The following MAPK10 variants were observed in gnomAD, a reference collection of about 807,000 sequenced individuals.
The protein encoded by MAPK10 is JNK3 alpha protein kinase.
MAPK10 carries 25 observed loss-of-function variants against 59.3 expected under a neutral mutation model. That is an observed-to-expected ratio of 0.42 (90% CI 0.31 to 0.59). The LOEUF is 0.59. MAPK10 is among the 20% of genes least tolerant of loss of function. The probability of loss-of-function intolerance (pLI) is 0.15; values close to 1 mark genes in which losing one functional copy is unlikely to be tolerated. For missense variants in MAPK10, 351 were observed against 568.9 expected (o/e 0.62, Z 3.90); for synonymous variants, 190 against 200.5 (o/e 0.95, Z 0.44).
At chr4:86,325,609 CTG>C (rs1415783767) in intron 2 of MAPK10, among the ~76,000 whole-genome samples, 2 of 152,176 alleles carry the variant, frequency 1.3e-5, no homozygotes, top group Non-Finnish European at 2.9e-5. Flanking sequence ...AAAGATATGA[CTG>C]TATCTGAATT....
intron 1 of MAPK10, among the ~76,000 whole-genome samples, chr4:86,493,616 C>G (rs1321813548): frequency 2.0e-5 from 3 of 152,102 alleles, no homozygotes; most frequent in Non-Finnish European, 4.4e-5. Context: ...ACATTTAGCT[C>G]ACCCTCCCCC....
chr4:86,175,388 T>C (rs1005838856), intron 3 of MAPK10, among the ~76,000 whole-genome samples: 1 of 152,130 alleles, frequency 6.6e-6, no homozygotes. Context: ...TGTGATGTGA[T>C]ATGGTTTTGA....
intron 11 of MAPK10, among the ~76,000 whole-genome samples, chr4:86,057,814 G>T (rs1216834477): frequency 6.7e-6 from 1 of 150,086 alleles, no homozygotes; most frequent in Non-Finnish European, 1.5e-5. Flanking sequence ...AAATAAAAAA[G>T]AGGTGAGTGA....
chr4:86,482,637 C>A (rs560502135), intron 1 of MAPK10, among the ~76,000 whole-genome samples: 1 of 152,220 alleles, frequency 6.6e-6, no homozygotes, highest in East Asian at 1.9e-4. Flanking sequence ...CAAAAATGAG[C>A]AGAAGCATCT....
At chr4:86,345,327 A>C (rs1727494593) in intron 2 of MAPK10, among the ~76,000 whole-genome samples, 1 of 152,136 alleles carries the variant, frequency 6.6e-6, no homozygotes, top group African/African-American at 2.4e-5. Context: ...AATCCACATA[A>C]TTTTTACAAT....
chr4:86,140,168 C>T (rs1436905045), intron 4 of MAPK10, among the ~76,000 whole-genome samples: 1 of 139,004 alleles, frequency 7.2e-6, no homozygotes, highest in Non-Finnish European at 1.5e-5. Flanking sequence ...TTTGACACAG[C>T]CATCCCATTA....
intron 2 of MAPK10, among the ~76,000 whole-genome samples, chr4:86,341,835 C>T (rs199986215): frequency 1.2e-3 from 49 of 39,750 alleles, no homozygotes; most frequent in African/African-American, 2.9e-3. Context: ...AAAAAAAAAA[C>T]ACCGGCAGCT....
At chr4:86,219,596 ATC>A (rs1380405162) in intron 2 of MAPK10, among the ~76,000 whole-genome samples, 3 of 152,136 alleles carry the variant, frequency 2.0e-5, no homozygotes, top group Non-Finnish European at 2.9e-5. Flanking sequence ...ATGGAAATAT[ATC>A]TCTTATTGTT....
At chr4:86,183,258 T>C in intron 3 of MAPK10, among the ~76,000 whole-genome samples, 1 of 151,936 alleles carries the variant, frequency 6.6e-6, no homozygotes. Flanking sequence ...CATTTAACAT[T>C]AGGTATATTT....
At chr4:86,405,750 C>A (rs1744284655) in intron 1 of MAPK10, among the ~76,000 whole-genome samples, 1 of 152,208 alleles carries the variant, frequency 6.6e-6, no homozygotes, top group South Asian at 2.1e-4. Context: ...TCTAGATGAT[C>A]ACTTCTAGAT....
chr4:86,542,233 T>C (rs887860782), intron 1 of MAPK10, among the ~76,000 whole-genome samples: 1 of 152,160 alleles, frequency 6.6e-6, no homozygotes, highest in Non-Finnish European at 1.5e-5. Context: ...CTTGGCACCC[T>C]GGGCCAGCCA....
intron 1 of MAPK10, among the ~76,000 whole-genome samples, chr4:86,424,994 T>G (rs150795334): frequency 9.2e-5 from 14 of 152,146 alleles, no homozygotes. Flanking sequence ...GAAAGACCAT[T>G]GTGAAGAAAC....
chr4:86,021,904 C>T (rs943773701), intron 13 of MAPK10, among the ~76,000 whole-genome samples: 3 of 152,222 alleles, frequency 2.0e-5, no homozygotes, highest in East Asian at 1.9e-4. Context: ...GTCCCGAGTG[C>T]GGGGGCCCGC....
intron 3 of MAPK10, among the ~76,000 whole-genome samples, chr4:86,174,327 C>A (rs1474293629): frequency 6.6e-6 from 1 of 152,090 alleles, no homozygotes; most frequent in Non-Finnish European, 1.5e-5. Flanking sequence ...CAGGGACATG[C>A]ATGAAGCTGG....
At chr4:86,371,766 G>C (rs1738796480) in intron 1 of MAPK10, among the ~76,000 whole-genome samples, 1 of 152,174 alleles carries the variant, frequency 6.6e-6, no homozygotes, top group African/African-American at 2.4e-5. Flanking sequence ...GCCTCACTTG[G>C]AAGCACAAGG....
rs1181490777 is a variant in MAPK10, at chr4:86,297,350, C to T, written c.-7+57180G>A. On this transcript the variant is annotated intron_variant, in intron 2 of 13. Transcript: ENST00000641462. ...TTTTAGACAGAGTCTCGTTCTGTTG[C>T]CCAGGCTGGAGTGCAGTGGTGCAAT... 9.2e-5 allele frequency among the ~76,000 whole-genome samples: 14 copies of T among 152,182 alleles called. No homozygotes were observed. The East Asian group carries it at 2.7e-3, about 29-fold the overall frequency.
chr4:86,229,187 T>C lies in MAPK10; in HGVS notation c.-6-34780A>G, dbSNP rs796169844. ...AGCAAAGTCAATTCTAGGGTCCACATGAAGTTTAATTTTTTTCACACTTCC... is the reference window on the plus strand; with the variant it reads ...AGCAAAGTCAATTCTAGGGTCCACACGAAGTTTAATTTTTTTCACACTTCC... On this transcript the variant is annotated intron_variant, in intron 2 of 13. Transcript: ENST00000641462. 3.3e-5 allele frequency among the ~76,000 whole-genome samples: 5 copies of C among 152,170 alleles called. No homozygotes were observed. The South Asian group carries it at 1.0e-3, about 31-fold the overall frequency.
intron 1 of MAPK10, among the ~76,000 whole-genome samples, chr4:86,438,602 A>C (rs1749052946): frequency 6.6e-6 from 1 of 151,040 alleles, no homozygotes; most frequent in Non-Finnish European, 1.5e-5. Flanking sequence ...AGGCAGGAGA[A>C]TTGCTTGAAC....
chr4:86,353,926 T>A (rs1474726159), intron 2 of MAPK10, among the ~76,000 whole-genome samples: 2 of 152,156 alleles, frequency 1.3e-5, no homozygotes, highest in Non-Finnish European at 2.9e-5. Flanking sequence ...ACATTCTACC[T>A]GTGTGTGCTG....
Sources: allele counts gnomAD v4.1 joint callset (sites outside exome capture counted in the v4.1 genomes callset), GRCh38; gene constraint gnomAD v4.1.1; transcripts MANE v1.5; gene names NCBI Gene and HGNC (gene_info 2026-07-23, HGNC 2026-07-21).